The following NAALADL2 variants were observed in gnomAD, a reference collection of about 807,000 sequenced individuals.
NAALADL2 encodes the protein inactive N-acetylated-alpha-linked acidic dipeptidase-like protein 2.
Under a neutral mutation model 87.2 loss-of-function variants are expected in NAALADL2, and 76 were observed. That is an observed-to-expected ratio of 0.87 (90% CI 0.72 to 1.05). The LOEUF (loss-of-function observed/expected upper bound fraction) is 1.05, where lower values mean the gene tolerates loss of function less well. Among genes scored for constraint, NAALADL2 ranks in the 50% least tolerant of loss-of-function variants. The pLI is 0.00. For synonymous variants in NAALADL2, 354 were observed against 331.0 expected, an observed-to-expected ratio of 1.07 and a Z score of -0.75; for missense variants, 1,089 against 945.8, an observed-to-expected ratio of 1.15 and a Z score of -1.99.
intron 1 of NAALADL2, among the ~76,000 whole-genome samples, chr3:174,944,821 C>T (rs1347213540): frequency 2.0e-5 from 3 of 152,150 alleles, no homozygotes; most frequent in African/African-American, 4.8e-5. Context: ...AGGGGTCACA[C>T]ATTCTGTCAC....
At chr3:174,815,522 G>T (rs1352213426) in intron 3 of NAALADL2, among the ~76,000 whole-genome samples, 3 of 152,172 alleles carry the variant, frequency 2.0e-5, no homozygotes, top group Non-Finnish European at 4.4e-5. Flanking sequence ...TCGAACTGCT[G>T]TGTTTAAGTG....
chr3:175,777,484 T>C (rs1750405526), intron 13 of NAALADL2, among the ~76,000 whole-genome samples: 1 of 152,168 alleles, frequency 6.6e-6, no homozygotes, highest in Admixed American at 6.6e-5. Context: ...TTAGCAGTTA[T>C]TACTTTTATC....
In NAALADL2 at chr3:174,829,596, A is replaced by T. The variant is rs1309486144; in HGVS notation, c.-9+91850A>T. On this transcript the variant is annotated intron_variant, in intron 3 of 3. Transcript: ENST00000434257. ...AACATACGTGTGCATGTGTCTTTAT[A>T]GCAGCATGATTTATAGTCCTTTGGG... Among the ~76,000 whole-genome samples the T allele has an allele frequency of 3.2e-3, 457 of 142,360 alleles. 9 individuals are homozygous for T. The highest frequency in any genetic ancestry group is 0.027 in the Admixed American group (379 of 14,202). The allele number at this position is 142,360 out of a possible 152,430, so 93.4% of individuals were successfully genotyped here. A position where few individuals can be genotyped will look rare whatever the true frequency, so the allele number is the denominator to read the frequency against.
chr3:175,697,789 GTGTATATATGTATATATATTTA>G (rs1269926445), intron 11 of NAALADL2, among the ~76,000 whole-genome samples: 1 of 143,128 alleles, frequency 7.0e-6, no homozygotes, highest in Non-Finnish European at 1.5e-5. Flanking sequence ...ATATATGTGT[GTGTATATATGTATATATATTTA>G]TGTATGTATA....
At chr3:175,011,409 T>C (rs527303570) in intron 1 of NAALADL2, among the ~76,000 whole-genome samples, 1 of 152,212 alleles carries the variant, frequency 6.6e-6, no homozygotes, top group African/African-American at 2.4e-5. Context: ...TGGACCACTT[T>C]CCATGTAAAA....
chr3:175,406,366 A>G (rs1280830708), intron 5 of NAALADL2, among the ~76,000 whole-genome samples: 1 of 152,218 alleles, frequency 6.6e-6, no homozygotes, highest in Non-Finnish European at 1.5e-5. Context: ...CCTGACTAAG[A>G]CACAACATTT....
intron 1 of NAALADL2, among the ~76,000 whole-genome samples, chr3:174,905,993 A>G (rs1732906603): frequency 6.6e-6 from 1 of 151,824 alleles, no homozygotes; most frequent in Non-Finnish European, 1.5e-5. Flanking sequence ...TTAATTCTTC[A>G]TTTTTTTCTC....
At chr3:175,404,317 C>T (rs1206797969) in intron 5 of NAALADL2, among the ~76,000 whole-genome samples, 2 of 152,062 alleles carry the variant, frequency 1.3e-5, no homozygotes, top group Admixed American at 1.3e-4. Flanking sequence ...ATTAGATTTT[C>T]TTTAAATGTG....
intron 2 of NAALADL2, among the ~76,000 whole-genome samples, chr3:174,711,302 G>T (rs1025224582): frequency 6.6e-6 from 1 of 152,178 alleles, no homozygotes; most frequent in Non-Finnish European, 1.5e-5. Context: ...AAGGCCACTT[G>T]AGTGAGCTCA....
intron 1 of NAALADL2, among the ~76,000 whole-genome samples, chr3:174,991,007 A>T (rs1024991211): frequency 3.3e-5 from 5 of 152,190 alleles, no homozygotes; most frequent in African/African-American, 1.2e-4. Context: ...ATAAGCATTT[A>T]TGTATGCATT....
intron 3 of NAALADL2, among the ~76,000 whole-genome samples, chr3:174,849,851 T>C (rs1416482799): frequency 6.6e-6 from 1 of 151,928 alleles, no homozygotes; most frequent in Non-Finnish European, 1.5e-5. Flanking sequence ...TGCTGGATTG[T>C]CTATTTCTTA....
At chr3:175,143,585 C>T (rs1360722347) in intron 2 of NAALADL2, among the ~76,000 whole-genome samples, 2 of 148,362 alleles carry the variant, frequency 1.3e-5, no homozygotes, top group Non-Finnish European at 3.0e-5. Context: ...ATGAAACTAC[C>T]ATCACATTTA....
intron 1 of NAALADL2, among the ~76,000 whole-genome samples, chr3:174,527,519 CAA>C (rs1339853258): frequency 2.3e-4 from 21 of 91,082 alleles, no homozygotes; most frequent in Admixed American, 3.7e-4. Flanking sequence ...AACTCCATCT[CAA>C]AAAAAAAAAA....
rs992731550 is a variant in NAALADL2, at chr3:175,076,972, TATG to T, written c.44-19813_44-19811del. ...TGTTCTATAATAATACATAATAACA[TATG>T]ATGACTGTAATTAAGTGCAGTGACT... On this transcript the variant is annotated intron_variant, in intron 1 of 13. Transcript: ENST00000454872. 4.6e-5 allele frequency among the ~76,000 whole-genome samples: 7 copies of T among 152,324 alleles called. No homozygotes were observed. The South Asian group carries it at 8.3e-4, about 18-fold the overall frequency.
At chr3:174,666,367 A>G (rs1444161193) in intron 2 of NAALADL2, among the ~76,000 whole-genome samples, 3 of 152,208 alleles carry the variant, frequency 2.0e-5, no homozygotes, top group East Asian at 1.9e-4. Flanking sequence ...ATTACTTAAC[A>G]TTTGTTGAAT....
intron 11 of NAALADL2, among the ~76,000 whole-genome samples, chr3:175,644,065 AT>A (rs1442700588): frequency 6.6e-6 from 1 of 152,080 alleles, no homozygotes. Flanking sequence ...GTTGAGTGCC[AT>A]TATGTATGTG....
At chr3:175,134,901 G>A (rs1426522749) in intron 2 of NAALADL2, among the ~76,000 whole-genome samples, 2 of 152,034 alleles carry the variant, frequency 1.3e-5, no homozygotes, top group African/African-American at 2.4e-5. Context: ...TTTAACTAAA[G>A]CAACAATTAT....
At chr3:174,838,021 G>GAA (rs77681462) in intron 3 of NAALADL2, among the ~76,000 whole-genome samples, 9 of 71,934 alleles carry the variant, frequency 1.3e-4, no homozygotes, top group East Asian at 4.7e-4. Context: ...AACCAAAAAA[G>GAA]AAAAAAAAAA....
intron 3 of NAALADL2, among the ~76,000 whole-genome samples, chr3:174,852,467 AG>A (rs1725357928): frequency 6.6e-6 from 1 of 152,202 alleles, no homozygotes; most frequent in Admixed American, 6.5e-5. Flanking sequence ...CATTTACCAT[AG>A]CTATAGATAA....
Sources: gnomAD v4.1 joint callset for allele counts (sites outside exome capture counted in the v4.1 genomes callset) on GRCh38, gnomAD v4.1.1 for gene constraint, MANE v1.5 for transcripts, NCBI Gene and HGNC (gene_info 2026-07-23, HGNC 2026-07-21) for gene names.